ZNF497: variants seen among roughly 807,000 people sequenced by gnomAD.
The protein encoded by ZNF497 is zinc finger protein 497, also known as zinc finger-like protein.
For missense variants in ZNF497, 930 were observed against 714.0 expected, an observed-to-expected ratio of 1.30 and a Z score of -3.45; for synonymous variants, 422 against 313.7, an observed-to-expected ratio of 1.35 and a Z score of -3.65.
Position 58,356,034 on chromosome 19 carries a change from C to T in ZNF497, c.*105G>A, listed in dbSNP as rs1454450449. 2.3e-6 allele frequency: 3 copies of T among 1,328,592 alleles called. No homozygotes were observed. Among genetic ancestry groups the T allele is most frequent in the African/African-American group, 1.5e-5 (1 of 66,458 alleles). 82.3% of individuals were successfully genotyped at this position (1,328,592 alleles called of 1,614,324 possible). Reference sequence around the variant, plus strand: ...CCCCTGCACTCCCAGCAGGAGGGCGCCCGCACCGGCGGCCCGAAAAAGTCT... The same window carrying T: ...CCCCTGCACTCCCAGCAGGAGGGCGTCCGCACCGGCGGCCCGAAAAAGTCT... On this transcript the variant is annotated 3_prime_UTR_variant, in exon 3 of 3. Transcript: ENST00000311044.
chr19:58,355,394 C>T lies in ZNF497; in HGVS notation c.*745G>A, dbSNP rs1193094217. 1 of 152,122 alleles carries T rather than the reference C, an allele frequency of 6.6e-6. No individual in the cohort carries two copies. Among genetic ancestry groups the T allele is most frequent in the Non-Finnish European group, 1.5e-5 (1 of 68,050 alleles). The allele number at this position is 152,122 out of a possible 1,614,324, so 9.4% of individuals were successfully genotyped here. On this transcript the variant is annotated 3_prime_UTR_variant, in exon 3 of 3. Transcript: ENST00000311044. Reference sequence around the variant, plus strand: ...GGTGTAGTGACGCAAGTCTGTCATCCCAGCTGCTTGGGAGGCTGAGGTGGG... The same window carrying T: ...GGTGTAGTGACGCAAGTCTGTCATCTCAGCTGCTTGGGAGGCTGAGGTGGG...
At chr19:58,360,694 T>C (rs1305605391) in intron 1 of ZNF497, among the ~76,000 whole-genome samples, 2 of 148,968 alleles carry the variant, frequency 1.3e-5, no homozygotes, top group East Asian at 3.9e-4. Context: ...AGGCCTGGCT[T>C]ATTTTATTTT....
chr19:58,358,645 C>G (rs895121426), intron 1 of ZNF497, 60 bp from the exon 2 acceptor site: 14 of 880,744 alleles, frequency 1.6e-5, no homozygotes, highest in Non-Finnish European at 2.2e-5. Flanking sequence ...TCTGAGAAAA[C>G]AAGGGGCATG....
rs755190500 is a variant in ZNF497 at position 58,356,491 on chromosome 19, C to T, written c.1145G>A (p.Gly382Asp). 2 of 1,549,372 alleles carry T rather than the reference C, an allele frequency of 1.3e-6. No individual in the cohort carries two copies. Among genetic ancestry groups the T allele is most frequent in the South Asian group, 1.2e-5 (1 of 85,158 alleles). Residue 382 changes from glycine to aspartate, a missense_variant, in exon 3 of 3, where the codon GGC (glycine) becomes GAC (aspartate). Gly to Asp is a moderately conservative substitution (Grantham distance 94). Coordinates refer to ENST00000311044, the MANE Select transcript of ZNF497 (RefSeq NM_198458.3). The stretch of plus-strand genomic sequence containing the variant: ...GTCGGCGCAGGCGAAGGGCTTGGCG[C>T]CCGAGTGCGTGCGCCGGTGGCTCAG... ...NLLSHRRTHS[G>D]AKPFACADCG...
chr19:58,358,389 A>G (rs565546726), intron 2 of ZNF497, 100 bp downstream of exon 2: 1 of 1,175,528 alleles, frequency 8.5e-7, no homozygotes, highest in African/African-American at 1.6e-5. Context: ...ACAGCGAGCA[A>G]AACCCATCCT....
chr19:58,360,590 G>A (rs1039106326), intron 1 of ZNF497, among the ~76,000 whole-genome samples: 3 of 151,882 alleles, frequency 2.0e-5, no homozygotes, highest in South Asian at 2.1e-4. Context: ...ATGAAGTGGC[G>A]CAATCTCGGC....
intron 2 of ZNF497, 133 bp from the exon 3 acceptor site, chr19:58,357,782 C>A: frequency 8.3e-7 from 1 of 1,202,858 alleles, no homozygotes; most frequent in Non-Finnish European, 1.1e-6. Context: ...TGCCCAATGC[C>A]CTCTGGAGCC....
rs1405344771 is a variant in ZNF497, at chr19:58,356,219, C to A, written c.1417G>T (p.Gly473Cys). Reference protein sequence around the residue: ...THTGERPYACGECGKPFSHRC... With the variant: ...THTGERPYACCECGKPFSHRC... ...TGGCTGAAAGGCTTCCCGCACTCGC[C>A]GCAAGCGTAGGGCCTCTCGCCCGTG... Residue 473 changes from glycine (G) to cysteine (C), a missense_variant, in exon 3 of 3, where the codon GGC (glycine) becomes TGC (cysteine). Gly to Cys is a radical substitution (Grantham distance 159, BLOSUM62 -3). Transcript: ENST00000311044. The A allele has an allele frequency of 1.9e-6, 3 of 1,603,516 alleles. No individual in the cohort carries two copies. The highest frequency in any genetic ancestry group is 2.6e-6 in the Non-Finnish European group (3 of 1,174,298).
At position 58,356,113 on chromosome 19, in the gene ZNF497, G is replaced by C. The variant is rs1214261512; in HGVS notation, c.*26C>G. 1 of 1,510,776 alleles carries C rather than the reference G, an allele frequency of 6.6e-7. No homozygotes were observed. Among genetic ancestry groups the C allele is most frequent in the East Asian group, 2.3e-5 (1 of 43,490 alleles). 93.6% of individuals were successfully genotyped at this position (1,510,776 alleles called of 1,614,324 possible). A position where few individuals can be genotyped will look rare whatever the true frequency, so the allele number is the denominator to read the frequency against. On this transcript the variant is annotated 3_prime_UTR_variant, in exon 3 of 3. Coordinates refer to ENST00000311044, the MANE Select transcript of ZNF497 (RefSeq NM_198458.3). ...AGACCCCGCAATGCCGTGTGTCCGC[G>C]ACCTCCCGCTCAGGGCGTCCTCGGG... is the stretch of plus-strand genomic sequence containing the variant.
At chr19:58,357,747 C>T in intron 2 of ZNF497, 98 bp from the exon 3 acceptor site, 1 of 1,285,646 alleles carries the variant, frequency 7.8e-7, no homozygotes, top group Non-Finnish European at 1.0e-6. Context: ...TGTCATCCCC[C>T]ACTCTTCTCC....
rs368605787 is a variant in ZNF497 at position 58,360,638 on chromosome 19, C to T, written c.-112+2039G>A. On this transcript the variant is annotated intron_variant, in intron 1 of 2. Transcript: ENST00000311044. Reference sequence around the variant, plus strand: ...CTGCCCCCAGGATTCAAGCGATTCTCCTGCCTCAGCCTCCCCAGTAGCTGG... The same window carrying T: ...CTGCCCCCAGGATTCAAGCGATTCTTCTGCCTCAGCCTCCCCAGTAGCTGG... Among the ~76,000 whole-genome samples the T allele has an allele frequency of 1.1e-3, 171 of 152,230 alleles. 1 individual carries two copies. The highest frequency in any genetic ancestry group is 3.9e-3 in the African/African-American group (163 of 41,560).
chr19:58,357,835 GGGCCAGCACTC>G, intron 2 of ZNF497, 186 bp from the exon 3 acceptor site: 1 of 1,237,994 alleles, frequency 8.1e-7, no homozygotes, highest in Non-Finnish European at 1.1e-6. Context: ...CTCGGGGGAT[GGGCCAGCACTC>G]TGGGCCTGCC....
At chr19:58,360,281 G>T (rs2052076676) in intron 1 of ZNF497, among the ~76,000 whole-genome samples, 3 of 152,052 alleles carry the variant, frequency 2.0e-5, no homozygotes, top group Non-Finnish European at 2.9e-5. Flanking sequence ...ACTTTAAAAG[G>T]ATGAATTGTA....
At chr19:58,361,157 C>T (rs1043656364) in intron 1 of ZNF497, among the ~76,000 whole-genome samples, 4 of 151,362 alleles carry the variant, frequency 2.6e-5, no homozygotes, top group East Asian at 2.0e-4. Flanking sequence ...ATTACAGGCG[C>T]GAGACACCTC....
intron 1 of ZNF497, among the ~76,000 whole-genome samples, chr19:58,361,572 G>A (rs1410567937): frequency 6.6e-6 from 1 of 151,868 alleles, no homozygotes; most frequent in African/African-American, 2.4e-5. Context: ...GCTCAGGCTG[G>A]TCTTTAACTC....
rs1472023705 is a variant in ZNF497, at chr19:58,356,923, C to T, written c.713G>A (p.Arg238His). ...SWNSNFLEHR[R>H]VHTGARPHAC... ...GTGCGGCCGCGCGCCCGTGTGCACG[C>T]GCCGGTGCTCCAGGAAATTGGAGTT... The change falls in exon 3 of 3, where the codon CGC (arginine) becomes CAC (histidine). Residue 238 changes from arginine (R) to histidine (H), a missense_variant. Arg to His is a conservative substitution (Grantham distance 29). Transcript: ENST00000311044. 6.3e-7 allele frequency: 1 copy of T among 1,596,350 alleles called. No individual in the cohort carries two copies. Among genetic ancestry groups the T allele is most frequent in the Non-Finnish European group, 8.5e-7 (1 of 1,175,244 alleles).
In ZNF497 at chr19:58,356,649, G is replaced by C. The variant is rs1298168879; in HGVS notation, c.987C>G (p.Pro329=). ...QHQRTHTGER[P]FECAECGQAF... ...CCTGGCCGCACTCGGCGCACTCGAA[G>C]GGCCGCTCACCAGTGTGCGTGCGCT... The change falls in exon 3 of 3, where the codon CCC becomes CCG. Residue 329 remains proline (P), a synonymous_variant. Coordinates refer to ENST00000311044, the MANE Select transcript of ZNF497 (RefSeq NM_198458.3). 6.5e-7 allele frequency: 1 copy of C among 1,547,414 alleles called. No homozygotes were observed. Among genetic ancestry groups the C allele is most frequent in the Non-Finnish European group, 8.7e-7 (1 of 1,151,908 alleles).
chr19:58,356,431 G>C lies in ZNF497; in HGVS notation c.1205C>G (p.Ala402Gly), dbSNP rs1245792497. The change falls in exon 3 of 3, where the codon GCG becomes GGG. Residue 402 changes from alanine (A) to glycine (G), a missense_variant. Ala to Gly is a moderately conservative substitution (Grantham distance 60). Coordinates refer to ENST00000311044, the MANE Select transcript of ZNF497 (RefSeq NM_198458.3). The stretch of plus-strand genomic sequence containing the variant: ...TCCCGTGTGCGAAAGCCGGTGGTGC[G>C]CCAGGCCGGAACTGCCGCGGAAGGC... ...GKAFRGSSGL[A>G]HHRLSHTGER... 4 of 1,560,000 alleles carry C rather than the reference G, an allele frequency of 2.6e-6. No homozygotes were observed. Among genetic ancestry groups the C allele is most frequent in the Non-Finnish European group, 2.6e-6 (3 of 1,158,272 alleles).
Position 58,357,224 on chromosome 19 carries a change from C to G in ZNF497, c.412G>C (p.Glu138Gln), listed in dbSNP as rs1302102744. 1 of 1,613,100 alleles carries G rather than the reference C, an allele frequency of 6.2e-7. No homozygotes were observed. Among genetic ancestry groups the G allele is most frequent in the Admixed American group, 1.7e-5 (1 of 59,968 alleles). The change falls in exon 3 of 3, where the codon GAG becomes CAG. Residue 138 changes from glutamate to glutamine, a missense_variant. Transcript: ENST00000311044. ...HTGEKPYTCP[E>Q]CGKAFAWSSN... ...CTCCAGGCGAAGGCCTTGCCGCACTCGGGGCACGTGTACGGCTTCTCGCCT... is the reference window on the plus strand; with the variant it reads ...CTCCAGGCGAAGGCCTTGCCGCACTGGGGGCACGTGTACGGCTTCTCGCCT...
Sources: allele counts gnomAD v4.1 joint callset (sites outside exome capture counted in the v4.1 genomes callset), GRCh38; gene constraint gnomAD v4.1.1; transcripts MANE v1.5; gene names NCBI Gene and HGNC (gene_info 2026-07-23, HGNC 2026-07-21).